The following HCRTR2 variants were observed in gnomAD, a reference collection of about 807,000 sequenced individuals.
HCRTR2 encodes orexin receptor type 2.
HCRTR2 carries 22 observed loss-of-function variants against 49.0 expected under a neutral mutation model. The ratio of observed to expected loss-of-function variants is 0.45; its 90% confidence interval spans 0.32 to 0.64. HCRTR2 has a LOEUF of 0.64. Ranked by LOEUF, HCRTR2 falls within the 30% of genes least tolerant of loss-of-function variation. The pLI is 0.04. For synonymous variants in HCRTR2, 236 were observed against 205.3 expected (o/e 1.15, Z -1.28); for missense variants, 491 against 559.4 (o/e 0.88, Z 1.23).
intron 1 of HCRTR2, among the ~76,000 whole-genome samples, chr6:55,152,917 G>T (rs562624274): frequency 6.6e-6 from 1 of 151,900 alleles, no homozygotes; most frequent in East Asian, 1.9e-4. Flanking sequence ...GTCTATTTTT[G>T]CTTTTGTTAC....
chr6:55,156,065 T>C (rs1333385656), intron 1 of HCRTR2, among the ~76,000 whole-genome samples: 1 of 151,956 alleles, frequency 6.6e-6, no homozygotes, highest in African/African-American at 2.4e-5. Flanking sequence ...TAAGTTAATA[T>C]ATATTAAGTG....
At chr6:55,278,412 G>A (rs1474019680) in intron 5 of HCRTR2, among the ~76,000 whole-genome samples, 2 of 152,132 alleles carry the variant, frequency 1.3e-5, no homozygotes, top group Non-Finnish European at 2.9e-5. Context: ...ACTTTGGCCT[G>A]ATTCAGAATC....
chr6:55,240,726 TG>T, intron 1 of HCRTR2: 1 of 375,564 alleles, frequency 2.7e-6, no homozygotes, highest in South Asian at 2.0e-5. Context: ...ATAATACTCC[TG>T]GTCAGCTTCC....
At chr6:55,240,929 G>A (rs2089617152) in intron 1 of HCRTR2, 1 of 181,080 alleles carries the variant, frequency 5.5e-6, no homozygotes, top group Non-Finnish European at 1.2e-5. Context: ...TTGAGATGGT[G>A]TTGGCCATTT....
At chr6:55,282,081 C>T (rs1767200992) in intron 6 of HCRTR2, 144 bp from the exon 7 acceptor site, 8 of 651,424 alleles carry the variant, frequency 1.2e-5, no homozygotes, top group Middle Eastern at 7.6e-4. Context: ...AACTCAATTT[C>T]CTTATTCTAT....
At chr6:55,207,931 T>G (rs1765630250) in intron 1 of HCRTR2, among the ~76,000 whole-genome samples, 1 of 152,218 alleles carries the variant, frequency 6.6e-6, no homozygotes, top group African/African-American at 2.4e-5. Context: ...CAGTTTGTAG[T>G]ATCCGTGATC....
chr6:55,221,589 A>G (rs1268297792), intron 1 of HCRTR2, among the ~76,000 whole-genome samples: 9 of 151,956 alleles, frequency 5.9e-5, no homozygotes, highest in Non-Finnish European at 1.0e-4. Flanking sequence ...CAAGGGGGTC[A>G]GATCACGAGG....
intron 1 of HCRTR2, among the ~76,000 whole-genome samples, chr6:55,235,664 G>A (rs1766200330): frequency 6.6e-6 from 1 of 151,974 alleles, no homozygotes; most frequent in African/African-American, 2.4e-5. Context: ...ATGATGTGAT[G>A]TAGAAATCAA....
intron 1 of HCRTR2, among the ~76,000 whole-genome samples, chr6:55,214,571 C>T (rs913235568): frequency 5.3e-5 from 8 of 151,932 alleles, no homozygotes; most frequent in Non-Finnish European, 8.8e-5. Context: ...GAACTATTGA[C>T]TTCAAGGGAT....
intron 4 of HCRTR2, among the ~76,000 whole-genome samples, chr6:55,270,593 T>C (rs80238922): frequency 0.027 from 4,138 of 152,254 alleles, 205 homozygotes; most frequent in African/African-American, 0.092. Flanking sequence ...TCCCCTGCTA[T>C]CTCATGTGAC....
intron 2 of HCRTR2, among the ~76,000 whole-genome samples, chr6:55,249,276 G>C (rs535042255): frequency 1.3e-5 from 2 of 152,166 alleles, no homozygotes; most frequent in South Asian, 4.2e-4. Flanking sequence ...CCAAGTCATT[G>C]AGCATATTTG....
intron 1 of HCRTR2, among the ~76,000 whole-genome samples, chr6:55,167,542 G>A (rs1240034402): frequency 6.6e-6 from 1 of 152,028 alleles, no homozygotes; most frequent in Non-Finnish European, 1.5e-5. Context: ...CCAGAGAACT[G>A]AGATCCAGAA....
intron 1 of HCRTR2, among the ~76,000 whole-genome samples, chr6:55,120,678 T>A (rs953069469): frequency 6.6e-6 from 1 of 151,808 alleles, no homozygotes; most frequent in East Asian, 1.9e-4. Context: ...TTTCTAAATA[T>A]ACAATCATGT....
Position 55,196,625 on chromosome 6 carries a change from C to T in HCRTR2, c.223+21815C>T, listed in dbSNP as rs3134695. ...ACCTGAGCTTTATTTTGTTTACATT[C>T]ATCAGATTTGAATGGCTGTACTTCA... On this transcript the variant is annotated intron_variant, in intron 1 of 6. Coordinates refer to ENST00000370862, the MANE Select transcript of HCRTR2 (RefSeq NM_001384272.1). 1.8e-3 allele frequency among the ~76,000 whole-genome samples: 272 copies of T among 152,208 alleles called. 1 individual carries two copies. The highest frequency in any genetic ancestry group is 6.1e-3 in the African/African-American group (252 of 41,540).
intron 1 of HCRTR2, among the ~76,000 whole-genome samples, chr6:55,197,909 C>T (rs1028760168): frequency 3.9e-5 from 6 of 152,154 alleles, no homozygotes; most frequent in Admixed American, 2.0e-4. Flanking sequence ...GCATGAGCCA[C>T]CACGCCCAGC....
chr6:55,166,087 T>G (rs1007098278), intron 1 of HCRTR2, among the ~76,000 whole-genome samples: 8 of 152,078 alleles, frequency 5.3e-5, no homozygotes, highest in African/African-American at 1.9e-4. Context: ...GATGATCATA[T>G]GGTTTTCGTC....
intron 1 of HCRTR2, among the ~76,000 whole-genome samples, chr6:55,138,714 C>A (rs2127251660): frequency 6.6e-6 from 1 of 152,310 alleles, no homozygotes; most frequent in South Asian, 2.1e-4. Context: ...AAAAGAAAGT[C>A]ATTCTTTCTA....
chr6:55,130,528 C>T (rs10456700), intron 1 of HCRTR2, among the ~76,000 whole-genome samples: 36,364 of 151,604 alleles, frequency 0.24, 5,008 homozygotes, highest in Middle Eastern at 0.32. Flanking sequence ...ATCCACAATT[C>T]TCTTCCTTCT....
chr6:55,200,110 G>A (rs1226767075), intron 1 of HCRTR2, among the ~76,000 whole-genome samples: 2 of 151,978 alleles, frequency 1.3e-5, no homozygotes, highest in South Asian at 2.1e-4. Context: ...ATTAAAATCT[G>A]TATCACTAAA....
Sources: gnomAD v4.1 joint callset for allele counts (sites outside exome capture counted in the v4.1 genomes callset) on GRCh38, gnomAD v4.1.1 for gene constraint, MANE v1.5 for transcripts, NCBI Gene and HGNC (gene_info 2026-07-23, HGNC 2026-07-21) for gene names.